Variants in FBXL17 observed in about 807,000 individuals in gnomAD.
FBXL17 encodes the protein F-box and leucine rich repeat protein 17.
FBXL17 carries 22 observed loss-of-function variants against 66.2 expected under a neutral mutation model. That is an observed-to-expected ratio of 0.33 (90% CI 0.24 to 0.47). FBXL17 has a LOEUF of 0.47. FBXL17 is among the 20% of genes least tolerant of loss of function. FBXL17 has a pLI of 1.00. For synonymous variants in FBXL17, 474 were observed against 400.5 expected, an observed-to-expected ratio of 1.18 and a Z score of -2.19; for missense variants, 878 against 948.2, an observed-to-expected ratio of 0.93 and a Z score of 0.97.
intron 6 of FBXL17, among the ~76,000 whole-genome samples, chr5:108,103,726 G>A (rs1301476891): frequency 6.6e-6 from 1 of 152,074 alleles, no homozygotes; most frequent in Non-Finnish European, 1.5e-5. Flanking sequence ...CTTTTTCCTT[G>A]ATGGAATAGG....
chr5:108,270,503 T>C (rs755815287), intron 4 of FBXL17, among the ~76,000 whole-genome samples: 87 of 149,766 alleles, frequency 5.8e-4, no homozygotes, highest in Non-Finnish European at 9.5e-4. Context: ...TTAGCAACAA[T>C]TGTAATGAAA....
intron 4 of FBXL17, among the ~76,000 whole-genome samples, chr5:108,233,678 C>T (rs1444568607): frequency 1.3e-5 from 2 of 152,126 alleles, no homozygotes; most frequent in Non-Finnish European, 2.9e-5. Flanking sequence ...TTTATAACTG[C>T]ATGAAATGGA....
intron 7 of FBXL17, among the ~76,000 whole-genome samples, chr5:108,007,232 A>G (rs1247370704): frequency 6.6e-6 from 1 of 152,196 alleles, no homozygotes; most frequent in African/African-American, 2.4e-5. Context: ...TCTTTTCTGT[A>G]GTAGTTGGGA....
Position 108,103,712 on chromosome 5 carries a change from T to C in FBXL17, c.1745+82405A>G, listed in dbSNP as rs908050208. Among the ~76,000 whole-genome samples the C allele has an allele frequency of 7.9e-5, 12 of 152,326 alleles. No homozygotes were observed. The South Asian group carries it at 2.3e-3, about 29-fold the overall frequency. On this transcript the variant is annotated intron_variant, in intron 6 of 8. Transcript: ENST00000542267. ...ATTCTCTTTCATTTACACACAAAGC[T>C]TATCTTTTTCCTTGATGGAATAGGT...
chr5:107,902,608 G>C (rs1451527960), intron 7 of FBXL17, among the ~76,000 whole-genome samples: 2 of 152,114 alleles, frequency 1.3e-5, no homozygotes, highest in Non-Finnish European at 2.9e-5. Flanking sequence ...CAAAGCATGG[G>C]TATCTCAGAG....
intron 4 of FBXL17, among the ~76,000 whole-genome samples, chr5:108,307,432 G>T (rs1235979116): frequency 6.6e-6 from 1 of 151,890 alleles, no homozygotes; most frequent in Admixed American, 6.6e-5. Flanking sequence ...TCAGCTTCCC[G>T]AGTAGTTGGG....
At chr5:107,944,966 A>C (rs2112595696) in intron 7 of FBXL17, among the ~76,000 whole-genome samples, 1 of 152,242 alleles carries the variant, frequency 6.6e-6, no homozygotes, top group African/African-American at 2.4e-5. Context: ...ATAACATAAT[A>C]AAATAAAAGT....
chr5:108,361,324 T>C (rs752993032), intron 3 of FBXL17, among the ~76,000 whole-genome samples: 6 of 152,120 alleles, frequency 3.9e-5, no homozygotes, highest in Admixed American at 6.6e-5. Flanking sequence ...TGCCAAAGCT[T>C]AAAAACAAAA....
At chr5:108,379,546 C>G (rs374695915) in intron 1 of FBXL17, among the ~76,000 whole-genome samples, 10 of 152,156 alleles carry the variant, frequency 6.6e-5, no homozygotes, top group South Asian at 4.1e-4. Flanking sequence ...TGTAAATATG[C>G]AAAAAGTCTA....
chr5:107,872,442 A>T (rs1244681892), intron 8 of FBXL17, among the ~76,000 whole-genome samples: 1 of 152,242 alleles, frequency 6.6e-6, no homozygotes, highest in Non-Finnish European at 1.5e-5. Context: ...TTTCAAATTT[A>T]CTTTTAGCTG....
At chr5:107,955,568 C>G (rs1325633209) in intron 7 of FBXL17, among the ~76,000 whole-genome samples, 1 of 152,180 alleles carries the variant, frequency 6.6e-6, no homozygotes, top group Non-Finnish European at 1.5e-5. Flanking sequence ...CGATCTGAAG[C>G]AGACCTTTTT....
chr5:108,090,281 T>C lies in FBXL17; in HGVS notation c.1746-69280A>G, dbSNP rs753792844. On this transcript the variant is annotated intron_variant, in intron 6 of 8. Transcript: ENST00000542267. Reference sequence around the variant, plus strand: ...CCCATGTATGAATTTGATTATGGCATACCACATGGGAGCCATTCACCCTCA... The same window carrying C: ...CCCATGTATGAATTTGATTATGGCACACCACATGGGAGCCATTCACCCTCA... 1.1e-4 allele frequency among the ~76,000 whole-genome samples: 17 copies of C among 152,238 alleles called. 1 individual carries two copies. Among genetic ancestry groups the C allele is most frequent in the Non-Finnish European group, 2.2e-4 (15 of 68,048 alleles).
chr5:108,301,861 TAA>T (rs1246858145), intron 4 of FBXL17: 1 of 194,782 alleles, frequency 5.1e-6, no homozygotes, highest in African/African-American at 2.4e-5. Context: ...ATCATACCAA[TAA>T]ATGCCTATTA....
At chr5:107,914,107 G>A (rs1296005655) in intron 7 of FBXL17, among the ~76,000 whole-genome samples, 5 of 6,974 alleles carry the variant, frequency 7.2e-4, no homozygotes, top group East Asian at 1.5e-3. Flanking sequence ...CCAGTAAAAC[G>A]GTGAAATGAT....
intron 4 of FBXL17, among the ~76,000 whole-genome samples, chr5:108,327,820 A>G (rs1759927758): frequency 1.3e-5 from 2 of 152,296 alleles, no homozygotes; most frequent in African/African-American, 4.8e-5. Context: ...AGAAGAGAGA[A>G]GAAAAACGGC....
chr5:108,018,246 C>A (rs991544140), intron 7 of FBXL17, among the ~76,000 whole-genome samples: 1 of 152,018 alleles, frequency 6.6e-6, no homozygotes, highest in Non-Finnish European at 1.5e-5. Context: ...TAAGTAGCTT[C>A]AATAATCAAA....
At chr5:108,279,637 A>C (rs1175854357) in intron 4 of FBXL17, among the ~76,000 whole-genome samples, 1 of 152,078 alleles carries the variant, frequency 6.6e-6, no homozygotes, top group African/African-American at 2.4e-5. Flanking sequence ...AAATTCTCAA[A>C]ACCCAGATAA....
At chr5:108,258,714 A>C (rs1164324946) in intron 4 of FBXL17, among the ~76,000 whole-genome samples, 1 of 151,582 alleles carries the variant, frequency 6.6e-6, no homozygotes, top group African/African-American at 2.4e-5. Flanking sequence ...TAATTAAGGA[A>C]GTCAGGATAA....
intron 6 of FBXL17, among the ~76,000 whole-genome samples, chr5:108,039,231 T>A (rs12189008): frequency 0.33 from 50,125 of 151,714 alleles, 9,551 homozygotes; most frequent in Admixed American, 0.43. Context: ...ACTATGTAAA[T>A]CAAGTATTTA....
Sources: gnomAD v4.1 joint callset for allele counts (sites outside exome capture counted in the v4.1 genomes callset) on GRCh38, gnomAD v4.1.1 for gene constraint, MANE v1.5 for transcripts, NCBI Gene and HGNC (gene_info 2026-07-23, HGNC 2026-07-21) for gene names.